GFRA2: variants seen among roughly 807,000 people sequenced by gnomAD.
GFRA2 encodes the protein GDNF family receptor alpha-2.
A neutral mutation model predicts 48.3 loss-of-function variants in GFRA2; 17 were observed. That is an observed-to-expected ratio of 0.35 (90% CI 0.24 to 0.53). GFRA2 has a LOEUF of 0.53. GFRA2 is among the 20% of genes least tolerant of loss of function. The pLI is 0.93. For missense variants in GFRA2, 660 were observed against 637.3 expected (o/e 1.04, Z -0.38); for synonymous variants, 305 against 257.2 (o/e 1.19, Z -1.78).
At chr8:21,703,143 G>A (rs1333507863) in intron 6 of GFRA2, among the ~76,000 whole-genome samples, 166 bp from the exon 7 acceptor site, 3 of 152,174 alleles carry the variant, frequency 2.0e-5, no homozygotes, top group Non-Finnish European at 4.4e-5. Flanking sequence ...CTCTTCTTCA[G>A]ATACCTACAA....
In GFRA2 at chr8:21,788,863, C is replaced by G. The variant is rs1279988102; in HGVS notation, c.-704G>C. ...CCCTCGCTCGCTCTTTGCTCTCGCT[C>G]TCTCCAGCTCTCCCTCGCTCTCCTC... On this transcript the variant is annotated 5_prime_UTR_variant, in exon 1 of 9. Coordinates refer to ENST00000524240, the MANE Select transcript of GFRA2 (RefSeq NM_001495.5). The G allele has an allele frequency of 2.2e-6, 2 of 890,954 alleles. No individual in the cohort carries two copies. Among genetic ancestry groups the G allele is most frequent in the Admixed American group, 6.2e-5 (1 of 16,134 alleles). The allele number at this position is 890,954 out of a possible 1,614,324, so 55.2% of individuals were successfully genotyped here.
At chr8:21,769,229 A>G in intron 3 of GFRA2, 4 of 964,264 alleles carry the variant, frequency 4.1e-6, no homozygotes, top group Non-Finnish European at 4.9e-6. Flanking sequence ...TGCTCCTCCG[A>G]AGTCTGGCCC....
At chr8:21,708,353 C>T (rs934910130) in intron 4 of GFRA2, among the ~76,000 whole-genome samples, 1 of 152,176 alleles carries the variant, frequency 6.6e-6, no homozygotes, top group South Asian at 2.1e-4. Flanking sequence ...CCCTCCGCAG[C>T]CAGCAAATGA....
chr8:21,797,155 T>G (rs954521865), intron 2 of GFRA2, among the ~76,000 whole-genome samples: 4 of 152,214 alleles, frequency 2.6e-5, no homozygotes, highest in Non-Finnish European at 4.4e-5. Flanking sequence ...TACTTTTTAA[T>G]TTTAAGAACA....
At chr8:21,749,182 T>C (rs1372885602) in intron 4 of GFRA2, among the ~76,000 whole-genome samples, 3 of 151,160 alleles carry the variant, frequency 2.0e-5, no homozygotes, top group Non-Finnish European at 2.9e-5. Flanking sequence ...GTGAGAATTA[T>C]ATAGAGCCAA....
chr8:21,719,943 T>A (rs1052245442), intron 4 of GFRA2, among the ~76,000 whole-genome samples: 1 of 152,164 alleles, frequency 6.6e-6, no homozygotes, highest in African/African-American at 2.4e-5. Context: ...CTGCTCTTAG[T>A]TCTAGCAGCT....
chr8:21,776,972 CA>C (rs1806737517), intron 2 of GFRA2, among the ~76,000 whole-genome samples: 1 of 152,170 alleles, frequency 6.6e-6, no homozygotes, highest in African/African-American at 2.4e-5. Context: ...ATCACTTTTA[CA>C]ATAAAAATAA....
chr8:21,730,138 C>T (rs1011561133), intron 4 of GFRA2, among the ~76,000 whole-genome samples: 2 of 152,032 alleles, frequency 1.3e-5, no homozygotes, highest in Non-Finnish European at 2.9e-5. Flanking sequence ...GGCGCGGTGG[C>T]TCGCACTTGT....
intron 1 of GFRA2, among the ~76,000 whole-genome samples, chr8:21,811,668 C>A (rs905667988): frequency 3.9e-5 from 6 of 152,092 alleles, no homozygotes; most frequent in African/African-American, 1.2e-4. Context: ...GTCCTCCCCC[C>A]GCCTTCCCCA....
chr8:21,767,818 T>C (rs866643436), intron 3 of GFRA2, among the ~76,000 whole-genome samples: 172 of 152,348 alleles, frequency 1.1e-3, no homozygotes, highest in African/African-American at 4.0e-3. Flanking sequence ...CTAAATTTTG[T>C]TCCCTCCTCG....
chr8:21,789,710 G>A (rs1040219817), upstream of GFRA2, among the ~76,000 whole-genome samples: 228 of 151,950 alleles, frequency 1.5e-3, no homozygotes, highest in Non-Finnish European at 2.2e-3. Flanking sequence ...TTGCCCTCAC[G>A]CCCGCGGCGC....
At chr8:21,725,815 C>T (rs1028712241) in intron 4 of GFRA2, among the ~76,000 whole-genome samples, 1 of 152,216 alleles carries the variant, frequency 6.6e-6, no homozygotes, top group Non-Finnish European at 1.5e-5. Flanking sequence ...CTCTCAGAGG[C>T]ATGCACATGT....
At chr8:21,714,882 G>A (rs151331878) in intron 4 of GFRA2, among the ~76,000 whole-genome samples, 293 of 152,248 alleles carry the variant, frequency 1.9e-3, no homozygotes, top group African/African-American at 7.0e-3. Context: ...GGAAAAAAGG[G>A]TTTCCAAGAA....
At chr8:21,717,046 C>G (rs1296895042) in intron 4 of GFRA2, among the ~76,000 whole-genome samples, 5 of 152,382 alleles carry the variant, frequency 3.3e-5, no homozygotes, top group East Asian at 1.9e-4. Context: ...GCCGGCTGCT[C>G]TCTTGGAGCT....
chr8:21,708,246 T>A (rs1802847320), intron 4 of GFRA2, among the ~76,000 whole-genome samples: 1 of 152,198 alleles, frequency 6.6e-6, no homozygotes, highest in African/African-American at 2.4e-5. Flanking sequence ...AAATGCACCC[T>A]CTGCTTCCTC....
At chr8:21,788,076 G>A (rs1453136559) in intron 1 of GFRA2, 44 bp downstream of exon 1, 4 of 199,142 alleles carry the variant, frequency 2.0e-5, no homozygotes, top group African/African-American at 6.0e-5. Context: ...CCGCCTCCCC[G>A]GCTTCTCGCC....
At chr8:21,738,876 G>A (rs1405658820) in intron 4 of GFRA2, among the ~76,000 whole-genome samples, 1 of 152,204 alleles carries the variant, frequency 6.6e-6, no homozygotes, top group African/African-American at 2.4e-5. Flanking sequence ...CCCAGACACA[G>A]AGCTCCACGA....
At chr8:21,713,345 G>A (rs10090694) in intron 4 of GFRA2, among the ~76,000 whole-genome samples, 14,735 of 151,784 alleles carry the variant, frequency 0.097, 1,168 homozygotes, top group African/African-American at 0.22. Flanking sequence ...ACAGGTGTGC[G>A]CCACCATGCC....
At chr8:21,709,012 T>C (rs550824078) in intron 4 of GFRA2, among the ~76,000 whole-genome samples, 2 of 152,298 alleles carry the variant, frequency 1.3e-5, no homozygotes, top group African/African-American at 4.8e-5. Flanking sequence ...GGGGATATGA[T>C]CAGGTCCGAA....
Sources: gnomAD v4.1 joint callset for allele counts (sites outside exome capture counted in the v4.1 genomes callset) on GRCh38, gnomAD v4.1.1 for gene constraint, MANE v1.5 for transcripts, NCBI Gene and HGNC (gene_info 2026-07-23, HGNC 2026-07-21) for gene names.